GALNT18: variants seen among roughly 807,000 people sequenced by gnomAD.
The protein encoded by GALNT18 is GalNAc-transferase 18.
In GALNT18, 44 loss-of-function variants were observed where a neutral mutation model predicts 69.5. That is an observed-to-expected ratio of 0.63 (90% confidence interval 0.50 to 0.81). The LOEUF (loss-of-function observed/expected upper bound fraction) is 0.81, where lower values mean the gene tolerates loss of function less well. Ranked by LOEUF, GALNT18 falls within the 40% of genes least tolerant of loss-of-function variation. The probability of loss-of-function intolerance (pLI) is 0.00; values close to 1 mark genes in which losing one functional copy is unlikely to be tolerated. For missense variants in GALNT18, 715 were observed against 810.0 expected (o/e 0.88, Z 1.42); for synonymous variants, 364 against 318.2 (o/e 1.14, Z -1.53).
At chr11:11,473,999 A>G (rs1856332660) in intron 1 of GALNT18, among the ~76,000 whole-genome samples, 1 of 152,198 alleles carries the variant, frequency 6.6e-6, no homozygotes. Context: ...TGGGAGGTAG[A>G]GGTTGTAGTG....
chr11:11,367,838 A>G (rs972625225), intron 6 of GALNT18, among the ~76,000 whole-genome samples: 20 of 152,224 alleles, frequency 1.3e-4, no homozygotes, highest in Admixed American at 1.2e-3. Context: ...CTTTGCATAC[A>G]TGTATGTACT....
intron 10 of GALNT18, among the ~76,000 whole-genome samples, chr11:11,280,820 C>G (rs868679792): frequency 6.6e-6 from 1 of 152,164 alleles, no homozygotes; most frequent in Non-Finnish European, 1.5e-5. Context: ...GTGTGAAGCA[C>G]AGCCTCAAGT....
At chr11:11,593,075 G>A (rs905811017) in intron 1 of GALNT18, among the ~76,000 whole-genome samples, 6 of 152,022 alleles carry the variant, frequency 3.9e-5, no homozygotes, top group Admixed American at 1.3e-4. Context: ...CCCAACGCTC[G>A]GCTAATTTTT....
At chr11:11,284,906 G>GTGTTT (rs1590006785) in intron 10 of GALNT18, among the ~76,000 whole-genome samples, 1 of 24,542 alleles carries the variant, frequency 4.1e-5, no homozygotes, top group Admixed American at 4.4e-4. Flanking sequence ...AAAGACTTTC[G>GTGTTT]TGTTTTTTTT....
Position 11,621,867 on chromosome 11 carries a change from C to A in GALNT18, c.-274G>T. 2.8e-6 allele frequency: 1 copy of A among 360,292 alleles called. No homozygotes were observed. Among genetic ancestry groups the A allele is most frequent in the Non-Finnish European group, 5.0e-6 (1 of 198,288 alleles). 22.3% of individuals were successfully genotyped at this position (360,292 alleles called of 1,614,324 possible). ...CCCTGAACCCTTCCTAGAGGGGTCA[C>A]GGGTAGCCGGCAGCCGCGCGTCCAG... On this transcript the variant is annotated 5_prime_UTR_variant, in exon 1 of 11. Transcript: ENST00000227756. The surrounding 1 kb of genome is among the most constrained non-coding windows in gnomAD (Gnocchi z 9.3).
Position 11,382,662 on chromosome 11 carries a change from G to A in GALNT18, c.596-3398C>T, listed in dbSNP as rs955613973. On this transcript the variant is annotated intron_variant, in intron 3 of 10. Transcript: ENST00000227756. The surrounding 1 kb of genome is among the most constrained non-coding windows in gnomAD (Gnocchi z 4.3). Reference sequence around the variant, plus strand: ...ATGACTAATCACAAAGATTTTATCAGGATTTTTGCTGCCCTATCTTTGCTA... The same window carrying A: ...ATGACTAATCACAAAGATTTTATCAAGATTTTTGCTGCCCTATCTTTGCTA... Among the ~76,000 whole-genome samples the A allele has an allele frequency of 6.6e-6, 1 of 152,126 alleles. No homozygotes were observed. Among genetic ancestry groups the A allele is most frequent in the Non-Finnish European group, 1.5e-5 (1 of 68,032 alleles).
chr11:11,275,942 A>G (rs1204166447), intron 10 of GALNT18, among the ~76,000 whole-genome samples: 1 of 152,128 alleles, frequency 6.6e-6, no homozygotes, highest in African/African-American at 2.4e-5. Context: ...GTAGCCTTGT[A>G]GTATAGTTTG....
intron 10 of GALNT18, among the ~76,000 whole-genome samples, chr11:11,286,624 A>G (rs755439891): frequency 6.6e-6 from 1 of 152,064 alleles, no homozygotes; most frequent in Non-Finnish European, 1.5e-5. Context: ...AAGATTTGTG[A>G]ATTTTTTTAA....
chr11:11,428,137 T>G (rs999681195), intron 3 of GALNT18, among the ~76,000 whole-genome samples: 1 of 152,208 alleles, frequency 6.6e-6, no homozygotes. Context: ...TTGAAAAACA[T>G]GAAAGTCTTG....
At chr11:11,271,364 G>A in intron 10 of GALNT18, 74 bp from the exon 11 acceptor site, 2 of 1,508,498 alleles carry the variant, frequency 1.3e-6, no homozygotes, top group Non-Finnish European at 1.8e-6. Flanking sequence ...CTCAGGCCAA[G>A]TGGCTGGTGA....
At chr11:11,529,638 T>TATACACAC (rs10624956) in intron 1 of GALNT18, among the ~76,000 whole-genome samples, 107 of 72,952 alleles carry the variant, frequency 1.5e-3, no homozygotes, top group African/African-American at 3.6e-3. Flanking sequence ...TATATATATA[T>TATACACAC]ACACACACAC....
chr11:11,468,364 C>T (rs559959039), intron 1 of GALNT18, among the ~76,000 whole-genome samples: 3 of 152,318 alleles, frequency 2.0e-5, no homozygotes, highest in African/African-American at 7.2e-5. Flanking sequence ...GTCAAGGACA[C>T]AGGCTGTGGC....
At chr11:11,501,739 T>C (rs888860046) in intron 1 of GALNT18, among the ~76,000 whole-genome samples, 1 of 152,180 alleles carries the variant, frequency 6.6e-6, no homozygotes, top group Non-Finnish European at 1.5e-5. Flanking sequence ...CCATCATAAT[T>C]TTCAAATTCC....
intron 9 of GALNT18, among the ~76,000 whole-genome samples, chr11:11,324,094 TCAAGA>T (rs1234392550): frequency 6.6e-6 from 1 of 152,208 alleles, no homozygotes; most frequent in Admixed American, 6.5e-5. Flanking sequence ...GTGGCCATCT[TCAAGA>T]CAAGAAAGGA....
At chr11:11,448,475 ATTGTAGTGTCCTTAACGAGT>A (rs1248512214) in intron 2 of GALNT18, among the ~76,000 whole-genome samples, 1 of 152,236 alleles carries the variant, frequency 6.6e-6, no homozygotes, top group Non-Finnish European at 1.5e-5. Context: ...ATGTGAGATG[ATTGTAGTGTCCTTAACGAGT>A]AAATTAAGTT....
chr11:11,273,732 T>C (rs148613754), intron 10 of GALNT18, among the ~76,000 whole-genome samples: 1 of 152,184 alleles, frequency 6.6e-6, no homozygotes, highest in African/African-American at 2.4e-5. Flanking sequence ...ATTGAAGAGA[T>C]ATCTGCACTC....
intron 6 of GALNT18, among the ~76,000 whole-genome samples, chr11:11,349,515 G>A (rs1850360993): frequency 6.6e-6 from 1 of 152,150 alleles, no homozygotes; most frequent in Admixed American, 6.5e-5. Flanking sequence ...CCTCACCGCA[G>A]TTTTAATTTG....
rs1211662788 is a variant in GALNT18, at chr11:11,602,313, G to A, written c.235+19046C>T. Among the ~76,000 whole-genome samples the A allele has an allele frequency of 6.6e-6, 1 of 152,166 alleles. No individual in the cohort carries two copies. Among genetic ancestry groups the A allele is most frequent in the African/African-American group, 2.4e-5 (1 of 41,444 alleles). ...ATCAGGGCCTAGTATTCTCAACACA[G>A]GGTAAAGCTTCCACCCTGTAAGTAG... On this transcript the variant is annotated intron_variant, in intron 1 of 10. Transcript: ENST00000227756. The surrounding 1 kb of genome is among the most constrained non-coding windows in gnomAD (Gnocchi z 4.7).
intron 3 of GALNT18, among the ~76,000 whole-genome samples, chr11:11,426,157 C>G (rs769294381): frequency 6.6e-6 from 1 of 152,188 alleles, no homozygotes; most frequent in Non-Finnish European, 1.5e-5. Flanking sequence ...CAGGGAGGCT[C>G]AGGGTTGATC....
Sources: allele counts gnomAD v4.1 joint callset (sites outside exome capture counted in the v4.1 genomes callset), GRCh38; gene constraint gnomAD v4.1.1; non-coding constraint Gnocchi (gnomAD v3.1); transcripts MANE v1.5; gene names NCBI Gene and HGNC (gene_info 2026-07-23, HGNC 2026-07-21).